Variants in RAP1A observed in about 807,000 individuals in gnomAD.
RAP1A encodes the protein ras-related protein Rap-1A.
A neutral mutation model predicts 26.4 loss-of-function variants in RAP1A; 6 were observed. The observed-to-expected ratio is 0.23, with a 90% CI of 0.12 to 0.45. The LOEUF (loss-of-function observed/expected upper bound fraction) is 0.45, where lower values mean the gene tolerates loss of function less well. Ranked by LOEUF, RAP1A falls within the 20% of genes least tolerant of loss-of-function variation. The pLI, the probability that RAP1A is intolerant of heterozygous loss-of-function variation, is 0.99. For synonymous variants in RAP1A, 73 were observed against 79.4 expected (o/e 0.92, Z 0.43); for missense variants, 121 against 217.2 (o/e 0.56, Z 2.78).
At chr1:111,684,595 A>C (rs1661409450) in intron 1 of RAP1A, among the ~76,000 whole-genome samples, 1 of 152,208 alleles carries the variant, frequency 6.6e-6, no homozygotes, top group African/African-American at 2.4e-5. Flanking sequence ...GGACCTCTTC[A>C]AGGAGAACTA....
intron 7 of RAP1A, 37 bp downstream of exon 7, chr1:111,709,301 G>T (rs1662300943): frequency 1.6e-5 from 25 of 1,529,160 alleles, no homozygotes; most frequent in Non-Finnish European, 2.0e-5. Context: ...CCTTTCTCAT[G>T]CTCCTATTTT....
At chr1:111,664,717 C>T (rs909980594) in intron 1 of RAP1A, among the ~76,000 whole-genome samples, 3 of 152,148 alleles carry the variant, frequency 2.0e-5, no homozygotes, top group African/African-American at 7.2e-5. Flanking sequence ...TGAATGAATA[C>T]AGGCAGATTG....
At chr1:111,545,158 A>G (rs1337913) in intron 1 of RAP1A, among the ~76,000 whole-genome samples, 139,374 of 151,476 alleles carry the variant, frequency 0.92, 64,795 homozygotes, top group Non-Finnish European at 0.99. Flanking sequence ...AGAATTGCTG[A>G]ATCATACAGT....
chr1:111,567,557 G>T (rs1365524413), intron 1 of RAP1A, among the ~76,000 whole-genome samples: 4 of 152,266 alleles, frequency 2.6e-5, no homozygotes, highest in African/African-American at 7.2e-5. Flanking sequence ...AGCCCCAAAG[G>T]TAACTGTATT....
chr1:111,636,034 A>G (rs2101111135), intron 1 of RAP1A, among the ~76,000 whole-genome samples: 1 of 152,294 alleles, frequency 6.6e-6, no homozygotes, highest in East Asian at 1.9e-4. Flanking sequence ...TGTATACAAT[A>G]AATCTTTGGC....
upstream of RAP1A, among the ~76,000 whole-genome samples, chr1:111,619,417 C>CT (rs1188101074): frequency 6.6e-6 from 1 of 152,210 alleles, no homozygotes; most frequent in Non-Finnish European, 1.5e-5. Flanking sequence ...GCAAGAGGGT[C>CT]TTTGCCTGTC....
chr1:111,632,246 A>T (rs961817293), intron 1 of RAP1A, among the ~76,000 whole-genome samples: 5 of 150,286 alleles, frequency 3.3e-5, no homozygotes, highest in Non-Finnish European at 7.4e-5. Flanking sequence ...TTTTAAACTA[A>T]TGCCTACACC....
intron 1 of RAP1A, among the ~76,000 whole-genome samples, chr1:111,565,801 A>G (rs1409254973): frequency 6.6e-6 from 1 of 152,130 alleles, no homozygotes; most frequent in Non-Finnish European, 1.5e-5. Flanking sequence ...AAATGTGGCT[A>G]CTACAAAATC....
intron 7 of RAP1A, among the ~76,000 whole-genome samples, chr1:111,710,433 G>C (rs939122006): frequency 2.0e-5 from 3 of 152,056 alleles, no homozygotes; most frequent in Admixed American, 6.6e-5. Context: ...TACTTAATCA[G>C]TTCTATAAAT....
chr1:111,708,436 C>T (rs1367492644), intron 6 of RAP1A, among the ~76,000 whole-genome samples: 1 of 152,270 alleles, frequency 6.6e-6, no homozygotes, highest in Non-Finnish European at 1.5e-5. Flanking sequence ...CTTTATTTTT[C>T]AGAAATGACA....
chr1:111,675,674 A>G (rs1008257859), intron 1 of RAP1A, among the ~76,000 whole-genome samples: 1 of 152,224 alleles, frequency 6.6e-6, no homozygotes, highest in East Asian at 1.9e-4. Context: ...TGGTACCTAG[A>G]AAATACTTTG....
At chr1:111,551,609 T>G (rs1657260773) in intron 1 of RAP1A, among the ~76,000 whole-genome samples, 2 of 152,200 alleles carry the variant, frequency 1.3e-5, no homozygotes, top group South Asian at 4.1e-4. Context: ...AATTATTGCT[T>G]TATGTAGCTG....
chr1:111,559,786 T>G (rs1005787048), intron 1 of RAP1A, among the ~76,000 whole-genome samples: 2 of 152,206 alleles, frequency 1.3e-5, no homozygotes, highest in African/African-American at 4.8e-5. Flanking sequence ...AGCCATAACA[T>G]GAGTCTAGCT....
chr1:111,569,916 T>C (rs1410442185), intron 1 of RAP1A, among the ~76,000 whole-genome samples: 2 of 152,180 alleles, frequency 1.3e-5, no homozygotes, highest in African/African-American at 4.8e-5. Context: ...AAGAAGTCTT[T>C]TCCCAGTGAG....
intron 1 of RAP1A, among the ~76,000 whole-genome samples, chr1:111,561,503 G>T (rs1657735167): frequency 6.6e-6 from 1 of 152,142 alleles, no homozygotes; most frequent in South Asian, 2.1e-4. Flanking sequence ...GATTGTGTAT[G>T]TATTGGGGGA....
chr1:111,699,085 G>A (rs888429485), intron 4 of RAP1A, among the ~76,000 whole-genome samples: 1 of 151,936 alleles, frequency 6.6e-6, no homozygotes, highest in Non-Finnish European at 1.5e-5. Flanking sequence ...CACTCAACAC[G>A]CTGTGTTATA....
At chr1:111,561,362 G>A (rs1438177534) in intron 1 of RAP1A, among the ~76,000 whole-genome samples, 3 of 152,158 alleles carry the variant, frequency 2.0e-5, no homozygotes, top group Admixed American at 6.5e-5. Context: ...GGGCTCAAGC[G>A]ATCCGCTTGT....
intron 1 of RAP1A, among the ~76,000 whole-genome samples, chr1:111,611,078 T>G (rs367879801): frequency 1.5e-5 from 2 of 131,236 alleles, no homozygotes; most frequent in African/African-American, 5.7e-5. Context: ...TATTCTTAAA[T>G]GATCTACACA....
chr1:111,651,668 G>T (rs1017681248), intron 1 of RAP1A, among the ~76,000 whole-genome samples: 1 of 151,682 alleles, frequency 6.6e-6, no homozygotes, highest in Non-Finnish European at 1.5e-5. Context: ...GTAGAGATAG[G>T]GTTTCGCCAT....
Sources: gnomAD v4.1 joint callset for allele counts (sites outside exome capture counted in the v4.1 genomes callset) on GRCh38, gnomAD v4.1.1 for gene constraint, MANE v1.5 for transcripts, NCBI Gene and HGNC (gene_info 2026-07-23, HGNC 2026-07-21) for gene names.